Variants in FER1L6 observed in about 807,000 individuals in gnomAD.
FER1L6 encodes the protein fer-1-like protein 6.
In FER1L6, 177 loss-of-function variants were observed where a neutral mutation model predicts 219.2. The observed-to-expected ratio is 0.81, with a 90% CI of 0.71 to 0.91. FER1L6 has a LOEUF of 0.91. FER1L6 is among the 40% of genes least tolerant of loss of function. FER1L6 has a pLI of 0.00. For missense variants in FER1L6, 2,153 were observed against 2,259.9 expected (o/e 0.95, Z 0.96); for synonymous variants, 768 against 824.3 (o/e 0.93, Z 1.17).
intron 39 of FER1L6, among the ~76,000 whole-genome samples, chr8:124,114,293 T>C (rs1484351153): frequency 6.6e-6 from 1 of 152,124 alleles, no homozygotes; most frequent in Non-Finnish European, 1.5e-5. Flanking sequence ...AATTCAGAGT[T>C]GGTATAAGAG....
chr8:124,076,056 A>T, intron 31 of FER1L6, 142 bp from the exon 32 acceptor site: 1 of 1,013,800 alleles, frequency 9.9e-7, no homozygotes, highest in Non-Finnish European at 1.4e-6. Context: ...GTTTTTCAAA[A>T]GCCCAAAGCC....
intron 1 of FER1L6, among the ~76,000 whole-genome samples, chr8:123,898,746 A>G (rs144466231): frequency 1.4e-5 from 2 of 138,158 alleles, no homozygotes; most frequent in East Asian, 4.0e-4. Flanking sequence ...ATATACATAT[A>G]TACTATATAT....
intron 1 of FER1L6, among the ~76,000 whole-genome samples, chr8:123,858,958 T>A (rs1816695653): frequency 6.6e-6 from 1 of 152,228 alleles, no homozygotes; most frequent in Non-Finnish European, 1.5e-5. Flanking sequence ...GACAAATAAT[T>A]GTGTGCATAT....
At chr8:123,936,375 T>C (rs1814002114) in intron 1 of FER1L6, among the ~76,000 whole-genome samples, 1 of 152,148 alleles carries the variant, frequency 6.6e-6, no homozygotes, top group Admixed American at 6.5e-5. Context: ...TCAGGGTCCT[T>C]TATATTATCT....
intron 12 of FER1L6, 94 bp from the exon 13 acceptor site, chr8:124,003,073 C>A: frequency 2.0e-6 from 2 of 1,015,640 alleles, no homozygotes; most frequent in Non-Finnish European, 3.0e-6. Flanking sequence ...TACCTTATTG[C>A]TGTGGGAGAA....
rs149358547 is a variant in FER1L6, at chr8:124,111,761, C to T, written c.5290-7083C>T. Among the ~76,000 whole-genome samples, 111 of 152,150 alleles carry T rather than the reference C, an allele frequency of 7.3e-4. No individual in the cohort carries two copies. In the East Asian group the frequency reaches 0.01, roughly 14 times the overall value. On this transcript the variant is annotated intron_variant, in intron 39 of 40. Transcript: ENST00000522917. The surrounding 1 kb of genome is among the most constrained non-coding windows in gnomAD (Gnocchi z 5.0). ...CCAGAGGTCACTCTTGTTCTCTGGT[C>T]GGTGGGTTTTGGCCGGCTTCTTTAC...
chr8:123,944,387 TAGA>T (rs1220605965), intron 1 of FER1L6, among the ~76,000 whole-genome samples: 7 of 151,428 alleles, frequency 4.6e-5, no homozygotes, highest in African/African-American at 1.5e-4. Context: ...CAGTGTGGTG[TAGA>T]AGGAGAAGCA....
chr8:123,943,777 T>C (rs1482481660), intron 1 of FER1L6, among the ~76,000 whole-genome samples: 1 of 151,934 alleles, frequency 6.6e-6, no homozygotes, highest in African/African-American at 2.4e-5. Flanking sequence ...ACTCTTCTGC[T>C]TGTCCTTAGA....
chr8:124,097,108 C>T (rs946922628), intron 35 of FER1L6, among the ~76,000 whole-genome samples, 163 bp from the exon 36 acceptor site: 4 of 148,638 alleles, frequency 2.7e-5, no homozygotes, highest in Non-Finnish European at 5.9e-5. Flanking sequence ...TACATACATA[C>T]TTTTTTTGTC....
Position 124,003,317 on chromosome 8 carries a change from C to T in FER1L6, c.1670C>T (p.Pro557Leu), listed in dbSNP as rs765990027. Residue 557 changes from proline to leucine, a missense_variant, in exon 13 of 41, where the codon CCG becomes CTG. Coordinates refer to ENST00000522917, the MANE Select transcript of FER1L6 (RefSeq NM_001039112.2). ...ATTCCTATGGCCTCCACCACTCACCCGGAGAAGCCACTGGTGACAGAAGGG... is the reference window on the plus strand; with the variant it reads ...ATTCCTATGGCCTCCACCACTCACCTGGAGAAGCCACTGGTGACAGAAGGG... Reference protein sequence around the residue: ...VPIPMASTTHPEKPLVTEGNR... With the variant: ...VPIPMASTTHLEKPLVTEGNR... The T allele has an allele frequency of 2.2e-5, 36 of 1,613,306 alleles. No individual in the cohort carries two copies. Among genetic ancestry groups the T allele is most frequent in the African/African-American group, 6.7e-5 (5 of 74,870 alleles).
At chr8:123,889,361 T>C (rs941327281) in intron 1 of FER1L6, among the ~76,000 whole-genome samples, 2 of 152,154 alleles carry the variant, frequency 1.3e-5, no homozygotes, top group Non-Finnish European at 2.9e-5. Context: ...GGTGAACTTT[T>C]TGTGTAACTT....
chr8:124,118,538 A>G (rs1823342590), intron 39 of FER1L6, among the ~76,000 whole-genome samples: 1 of 152,124 alleles, frequency 6.6e-6, no homozygotes, highest in Admixed American at 6.6e-5. Context: ...TTACTGTAAT[A>G]TTTTTTCAGA....
chr8:124,006,588 G>T (rs1454640898), intron 13 of FER1L6, among the ~76,000 whole-genome samples: 1 of 152,068 alleles, frequency 6.6e-6, no homozygotes, highest in Non-Finnish European at 1.5e-5. Context: ...ATTTGTTCTG[G>T]GCTTTCCAGT....
At position 123,982,527 on chromosome 8, in the gene FER1L6, C is replaced by T. The variant is rs77913022; in HGVS notation, c.1410+1716C>T. On this transcript the variant is annotated intron_variant, in intron 11 of 40. Coordinates refer to ENST00000522917, the MANE Select transcript of FER1L6 (RefSeq NM_001039112.2). Reference sequence around the variant, plus strand: ...ATTTAAACCCTTATTTCCCCTCCCTCCTCTCTTCATCTTGGCTTCTTGTTG... The same window carrying T: ...ATTTAAACCCTTATTTCCCCTCCCTTCTCTCTTCATCTTGGCTTCTTGTTG... 7.0e-3 allele frequency among the ~76,000 whole-genome samples: 1,059 copies of T among 152,216 alleles called. 11 individuals carry two copies. Among genetic ancestry groups the T allele is most frequent in the East Asian group, 0.049 (252 of 5,176 alleles).
At chr8:123,965,584 G>C (rs1482822670) in intron 3 of FER1L6, among the ~76,000 whole-genome samples, 2 of 152,114 alleles carry the variant, frequency 1.3e-5, no homozygotes, top group Non-Finnish European at 2.9e-5. Context: ...TATTAGACAT[G>C]GCAGAATGGT....
Position 124,061,953 on chromosome 8 carries a change from C to G in FER1L6, c.3249C>G (p.Asn1083Lys). 6.2e-7 allele frequency: 1 copy of G among 1,614,204 alleles called. No individual in the cohort carries two copies. Among genetic ancestry groups the G allele is most frequent in the South Asian group, 1.1e-5 (1 of 91,084 alleles). The change falls in exon 25 of 41, where the codon AAC becomes AAG. Residue 1083 changes from asparagine (N) to lysine (K), a missense_variant. Transcript: ENST00000522917. ...CCCTTGTGGGCACCTACACCATCAA[C>G]TACTTGAAGCAGTTTTTGTGTAAAC... is the stretch of plus-strand genomic sequence containing the variant. ...RSTLVGTYTI[N>K]YLKQFLCKLR... is the part of the protein sequence containing the mutation.
intron 21 of FER1L6, among the ~76,000 whole-genome samples, chr8:124,048,591 A>G (rs1819841716): frequency 6.6e-6 from 1 of 152,248 alleles, no homozygotes; most frequent in Admixed American, 6.5e-5. Context: ...GCTACCAAGA[A>G]AAATAGGGCA....
chr8:123,971,818 T>C (rs1199306606), intron 6 of FER1L6, among the ~76,000 whole-genome samples: 1 of 152,074 alleles, frequency 6.6e-6, no homozygotes, highest in African/African-American at 2.4e-5. Context: ...AAGACAGTCT[T>C]CCCTTCTCAG....
rs369635878 is a variant in FER1L6 at position 124,045,784 on chromosome 8, C to T, written c.2607C>T (p.Leu869=). Reference sequence around the variant, plus strand: ...GCTTCCAGATAATCTCCCAGACCCTCTCTCCGACCTGGAACCAGATGCTGC... The same window carrying T: ...GCTTCCAGATAATCTCCCAGACCCTTTCTCCGACCTGGAACCAGATGCTGC... ...CQTTKIISQT[L]SPTWNQMLLF... Residue 869 remains leucine (L), a synonymous_variant, in exon 21 of 41, where the codon CTC becomes CTT. Coordinates refer to ENST00000522917, the MANE Select transcript of FER1L6 (RefSeq NM_001039112.2). 2.6e-5 allele frequency: 42 copies of T among 1,614,108 alleles called. No homozygotes were observed. Among genetic ancestry groups the T allele is most frequent in the Middle Eastern group, 1.7e-4 (1 of 6,060 alleles).
Sources: allele counts gnomAD v4.1 joint callset (sites outside exome capture counted in the v4.1 genomes callset), GRCh38; gene constraint gnomAD v4.1.1; non-coding constraint Gnocchi (gnomAD v3.1); transcripts MANE v1.5; gene names NCBI Gene and HGNC (gene_info 2026-07-23, HGNC 2026-07-21).